Variants in NFIL3 observed in about 807,000 individuals in gnomAD.
NFIL3 encodes the protein nuclear factor, interleukin 3 regulated.
A neutral mutation model predicts 10.0 loss-of-function variants in NFIL3; 5 were observed. That is an observed-to-expected ratio of 0.50 (90% CI 0.26 to 1.06). The LOEUF (loss-of-function observed/expected upper bound fraction) is 1.06, where lower values mean the gene tolerates loss of function less well. NFIL3 is among the 50% of genes least tolerant of loss of function. The pLI is 0.13. For missense variants in NFIL3, 436 were observed against 547.6 expected, an observed-to-expected ratio of 0.80 and a Z score of 2.03; for synonymous variants, 202 against 206.5, an observed-to-expected ratio of 0.98 and a Z score of 0.19.
At chr9:91,425,186 C>T (rs1370172644), upstream of NFIL3, among the ~76,000 whole-genome samples, 1 of 152,214 alleles carries the variant, frequency 6.6e-6, no homozygotes, top group Non-Finnish European at 1.5e-5. Flanking sequence ...CTTTCCACTT[C>T]TTTTTGCTCC....
At chr9:91,447,675 G>A in the NFIL3 span, among the ~76,000 whole-genome samples, 9 of 152,136 alleles carry the variant, frequency 5.9e-5, no homozygotes, top group Admixed American at 5.9e-4. Flanking sequence ...CTACTTTTTA[G>A]TTGTGTTGTC....
the NFIL3 span, among the ~76,000 whole-genome samples, chr9:91,448,216 G>T: frequency 8.4e-4 from 128 of 152,030 alleles, 2 homozygotes; most frequent in South Asian, 0.026. Flanking sequence ...ATTTTGGGTT[G>T]CTATAACAGA....
In NFIL3 at chr9:91,409,749, A is replaced by T; in HGVS notation, c.986T>A (p.Ile329Asn). The T allele has an allele frequency of 6.2e-7, 1 of 1,614,166 alleles. No individual in the cohort carries two copies. The highest frequency in any genetic ancestry group is 8.5e-7 in the Non-Finnish European group (1 of 1,180,034). The stretch of plus-strand genomic sequence containing the variant: ...TTTGATCTGCATGGCTTTGGCTTTG[A>T]TCCGGAGCTTGTGTGGCAAGGCAGA... The part of the protein sequence containing the change: ...NSSALPHKLR[I>N]KAKAMQIKVE... Residue 329 changes from isoleucine (I) to asparagine (N), a missense_variant, in exon 2 of 2, where the codon ATC becomes AAC. This residue lies in a region of NFIL3 where 338 missense variants were observed against 399.9 expected (regional missense o/e 0.85). Transcript: ENST00000297689.
chr9:91,423,538 C>A (rs1480513008), intron 1 of NFIL3, 102 bp downstream of exon 1: 1 of 150,588 alleles, frequency 6.6e-6, no homozygotes, highest in South Asian at 1.9e-4. Flanking sequence ...ACAGCCCGAC[C>A]CCGCACACAG....
the NFIL3 span, among the ~76,000 whole-genome samples, chr9:91,429,504 A>G: frequency 6.6e-6 from 1 of 152,096 alleles, no homozygotes; most frequent in African/African-American, 2.4e-5. Context: ...AGAGAAAATT[A>G]CCTTGTTGAG....
At chr9:91,462,817 G>GT in the NFIL3 span, among the ~76,000 whole-genome samples, 3 of 108,260 alleles carry the variant, frequency 2.8e-5, no homozygotes, top group Non-Finnish European at 5.1e-5. Flanking sequence ...AAGGCCCAAT[G>GT]TTTTTTTTGG....
the NFIL3 span, among the ~76,000 whole-genome samples, chr9:91,445,731 G>A: frequency 6.6e-6 from 1 of 152,148 alleles, no homozygotes. Context: ...ATGGTACTTG[G>A]AGATGCAACT....
At chr9:91,475,590 G>A in the NFIL3 span, among the ~76,000 whole-genome samples, 1 of 152,012 alleles carries the variant, frequency 6.6e-6, no homozygotes, top group East Asian at 1.9e-4. Flanking sequence ...GCAAGAAGAT[G>A]CTAAAAAAAG....
the NFIL3 span, among the ~76,000 whole-genome samples, chr9:91,459,253 T>C: frequency 0.2 from 29,906 of 152,104 alleles, 3,505 homozygotes; most frequent in East Asian, 0.49. Context: ...GCTCCCTTAA[T>C]TGAGTATGCC....
At chr9:91,476,912 C>T in the NFIL3 span, among the ~76,000 whole-genome samples, 17,638 of 152,124 alleles carry the variant, frequency 0.12, 2,194 homozygotes, top group African/African-American at 0.31. Flanking sequence ...GTTCTAGACG[C>T]TAACAGAATA....
the NFIL3 span, among the ~76,000 whole-genome samples, chr9:91,443,365 A>ACAGC: frequency 6.6e-6 from 1 of 152,204 alleles, no homozygotes; most frequent in South Asian, 2.1e-4. Context: ...TCACCAGGGA[A>ACAGC]CAGCCCCTTT....
the NFIL3 span, among the ~76,000 whole-genome samples, chr9:91,469,234 G>C: frequency 6.6e-6 from 1 of 152,172 alleles, no homozygotes; most frequent in African/African-American, 2.4e-5. Context: ...TCTTCTTGAA[G>C]AGGTCCTTCA....
At chr9:91,443,765 C>A in the NFIL3 span, among the ~76,000 whole-genome samples, 72 of 152,316 alleles carry the variant, frequency 4.7e-4, no homozygotes, top group African/African-American at 1.7e-3. Flanking sequence ...GGGCTCCCAC[C>A]TGTTACCAGC....
At chr9:91,478,269 G>A in the NFIL3 span, among the ~76,000 whole-genome samples, 11 of 152,134 alleles carry the variant, frequency 7.2e-5, no homozygotes, top group African/African-American at 2.6e-4. Context: ...CATTCTCCCC[G>A]TCACTTTTAG....
At chr9:91,446,806 C>T in the NFIL3 span, among the ~76,000 whole-genome samples, 4 of 150,876 alleles carry the variant, frequency 2.7e-5, no homozygotes, top group Non-Finnish European at 4.4e-5. Context: ...CTCTCTCTCT[C>T]TCTCTCTCTT....
intron 1 of NFIL3, among the ~76,000 whole-genome samples, chr9:91,417,599 C>T (rs1042204455): frequency 1.3e-5 from 2 of 152,106 alleles, no homozygotes; most frequent in Non-Finnish European, 2.9e-5. Flanking sequence ...TATACATGTA[C>T]AACCCAGAGG....
the NFIL3 span, among the ~76,000 whole-genome samples, chr9:91,444,527 C>G: frequency 6.6e-6 from 1 of 152,096 alleles, no homozygotes; most frequent in Non-Finnish European, 1.5e-5. Context: ...CCTGCATTGA[C>G]GTTTGTGCAT....
At chr9:91,417,080 C>CT (rs1833671183) in intron 1 of NFIL3, among the ~76,000 whole-genome samples, 1 of 152,122 alleles carries the variant, frequency 6.6e-6, no homozygotes, top group African/African-American at 2.4e-5. Flanking sequence ...AAAATCTACT[C>CT]TGAGAACATT....
the NFIL3 span, among the ~76,000 whole-genome samples, chr9:91,469,520 A>C: frequency 6.6e-6 from 1 of 152,068 alleles, no homozygotes; most frequent in African/African-American, 2.4e-5. Flanking sequence ...AATACCCTTT[A>C]TTTCTTTCTC....
Sources: allele counts gnomAD v4.1 joint callset (sites outside exome capture counted in the v4.1 genomes callset), GRCh38; gene constraint gnomAD v4.1.1; regional missense constraint gnomAD v4.1.1; transcripts MANE v1.5; gene names NCBI Gene and HGNC (gene_info 2026-07-23, HGNC 2026-07-21).